Variants in GLIS1 observed in about 807,000 individuals in gnomAD.
The protein encoded by GLIS1 is zinc finger protein GLIS1.
GLIS1 carries 24 observed loss-of-function variants against 63.8 expected under a neutral mutation model. The ratio of observed to expected loss-of-function variants is 0.38; its 90% CI spans 0.27 to 0.53. GLIS1 has a LOEUF of 0.53. Among genes scored for constraint, GLIS1 ranks in the 20% least tolerant of loss-of-function variants. GLIS1 has a pLI of 0.85. For missense variants in GLIS1, 1,036 were observed against 1,074.1 expected (o/e 0.96, Z 0.50); for synonymous variants, 450 against 482.5 (o/e 0.93, Z 0.88).
intron 2 of GLIS1, among the ~76,000 whole-genome samples, chr1:53,629,891 G>C (rs1342638781): frequency 2.6e-5 from 4 of 152,156 alleles, no homozygotes; most frequent in Non-Finnish European, 5.9e-5. Flanking sequence ...ATTCAATATG[G>C]AAATGCCTTG....
chr1:53,660,600 C>A (rs1424023521), intron 2 of GLIS1, among the ~76,000 whole-genome samples: 7 of 152,154 alleles, frequency 4.6e-5, no homozygotes, highest in Non-Finnish European at 1.0e-4. Context: ...TGAACCAGAT[C>A]CCTGGCCTGG....
chr1:53,703,726 C>G (rs538133074), intron 2 of GLIS1, among the ~76,000 whole-genome samples: 76 of 151,400 alleles, frequency 5.0e-4, no homozygotes, highest in Non-Finnish European at 1.0e-3. Flanking sequence ...AAAGAGACCA[C>G]AGAGCAAACT....
chr1:53,508,007 C>T (rs1019064413), intron 10 of GLIS1, among the ~76,000 whole-genome samples: 5 of 152,240 alleles, frequency 3.3e-5, no homozygotes, highest in Non-Finnish European at 5.9e-5. Context: ...ACACGGCACA[C>T]GTTTACCCAC....
intron 2 of GLIS1, among the ~76,000 whole-genome samples, chr1:53,624,268 G>A (rs1259993733): frequency 6.6e-6 from 1 of 152,096 alleles, no homozygotes; most frequent in Non-Finnish European, 1.5e-5. Flanking sequence ...TTTTTACAAG[G>A]GTGCCAAGGC....
At chr1:53,626,514 T>A (rs1290620080) in intron 2 of GLIS1, among the ~76,000 whole-genome samples, 1 of 152,210 alleles carries the variant, frequency 6.6e-6, no homozygotes, top group Non-Finnish European at 1.5e-5. Flanking sequence ...AGTCTCACAA[T>A]CATACCATCC....
At position 53,525,341 on chromosome 1, in the gene GLIS1, C is replaced by T. The variant is rs370773860; in HGVS notation, c.1483-454G>A. On this transcript the variant is annotated intron_variant, in intron 5 of 10. Transcript: ENST00000628545. ...CAGGGCCAGGCTAGGCGGCACTGAC[C>T]GCACCTTGCAGGTAGGTGCAGAGGC... 3.5e-5 allele frequency among the ~76,000 whole-genome samples: 5 copies of T among 141,408 alleles called. No homozygotes were observed. In the East Asian group the frequency reaches 6.5e-4, roughly 18 times the overall value. 92.8% of individuals were successfully genotyped at this position (141,408 alleles called of 152,430 possible).
intron 2 of GLIS1, among the ~76,000 whole-genome samples, chr1:53,614,615 T>A (rs191723675): frequency 1.3e-5 from 2 of 152,304 alleles, no homozygotes; most frequent in Admixed American, 1.3e-4. Flanking sequence ...AGTTTTGTGT[T>A]GAAAAAGACT....
chr1:53,514,926 C>T (rs1644335461), intron 7 of GLIS1, 145 bp from the exon 8 acceptor site: 10 of 1,017,810 alleles, frequency 9.8e-6, no homozygotes, highest in Admixed American at 3.3e-5. Context: ...AGTTTAGGGG[C>T]CCCAGTGAGG....
At chr1:53,708,005 A>C (rs1421747542) in intron 2 of GLIS1, among the ~76,000 whole-genome samples, 2 of 150,530 alleles carry the variant, frequency 1.3e-5, no homozygotes, top group African/African-American at 4.9e-5. Context: ...GCAAAGCACC[A>C]GGCGCGGTGG....
intron 2 of GLIS1, among the ~76,000 whole-genome samples, chr1:53,678,266 G>C (rs1408376702): frequency 6.9e-6 from 1 of 144,844 alleles, no homozygotes; most frequent in Non-Finnish European, 1.5e-5. Flanking sequence ...CCCCTTGCAC[G>C]AAGAACCTCT....
chr1:53,571,251 TTTGAGGACATA>T (rs1359724436), intron 4 of GLIS1, among the ~76,000 whole-genome samples: 1 of 152,234 alleles, frequency 6.6e-6, no homozygotes, highest in Non-Finnish European at 1.5e-5. Context: ...ACATAACATT[TTTGAGGACATA>T]GAACCACAGG....
intron 2 of GLIS1, among the ~76,000 whole-genome samples, chr1:53,605,550 C>A (rs1336481631): frequency 6.6e-6 from 1 of 152,186 alleles, no homozygotes; most frequent in Non-Finnish European, 1.5e-5. Flanking sequence ...TTCTCTAAAT[C>A]TTCACAACAT....
intron 4 of GLIS1, among the ~76,000 whole-genome samples, chr1:53,538,468 T>C (rs979895101): frequency 6.6e-6 from 1 of 152,098 alleles, no homozygotes; most frequent in Non-Finnish European, 1.5e-5. Context: ...AGTGCCAGAG[T>C]CCCAGCGCTC....
chr1:53,670,294 T>G (rs1432508741), intron 2 of GLIS1, among the ~76,000 whole-genome samples: 1 of 152,218 alleles, frequency 6.6e-6, no homozygotes, highest in African/African-American at 2.4e-5. Flanking sequence ...TGTGAGATTT[T>G]TAAAACCTTT....
chr1:53,611,487 G>A (rs1303160945), intron 2 of GLIS1, among the ~76,000 whole-genome samples: 4 of 152,178 alleles, frequency 2.6e-5, no homozygotes, highest in Non-Finnish European at 5.9e-5. Flanking sequence ...CTGTCTCCTG[G>A]TATCTCTGGT....
At chr1:53,682,544 G>C (rs1646287086) in intron 2 of GLIS1, among the ~76,000 whole-genome samples, 1 of 152,262 alleles carries the variant, frequency 6.6e-6, no homozygotes, top group Non-Finnish European at 1.5e-5. Flanking sequence ...GAGACCCTAA[G>C]TGCTGGCGTT....
intron 2 of GLIS1, among the ~76,000 whole-genome samples, chr1:53,651,179 C>A (rs183270797): frequency 2.2e-4 from 34 of 152,294 alleles, no homozygotes; most frequent in Admixed American, 1.4e-3. Context: ...CAGAGCGATG[C>A]CTTTCATGTG....
chr1:53,512,573 T>C (rs1644307691), intron 8 of GLIS1, among the ~76,000 whole-genome samples: 1 of 152,116 alleles, frequency 6.6e-6, no homozygotes, highest in Admixed American at 6.6e-5. Context: ...TTCCCCACTC[T>C]CTTCTCAGGG....
intron 2 of GLIS1, among the ~76,000 whole-genome samples, chr1:53,677,535 A>G (rs1040648491): frequency 5.3e-5 from 8 of 152,254 alleles, no homozygotes; most frequent in Non-Finnish European, 1.0e-4. Flanking sequence ...CCAGAGGAAA[A>G]ACAACCCAGT....
Sources: gnomAD v4.1 joint callset for allele counts (sites outside exome capture counted in the v4.1 genomes callset) on GRCh38, gnomAD v4.1.1 for gene constraint, MANE v1.5 for transcripts, NCBI Gene and HGNC (gene_info 2026-07-23, HGNC 2026-07-21) for gene names.